The following SLC25A18 variants were observed in gnomAD, a reference collection of about 807,000 sequenced individuals.
SLC25A18 encodes mitochondrial glutamate carrier 2.
A neutral mutation model predicts 31.1 loss-of-function variants in SLC25A18; 24 were observed. That is an observed-to-expected ratio of 0.77 (90% confidence interval 0.56 to 1.08). The LOEUF (loss-of-function observed/expected upper bound fraction) is 1.08. Among genes scored for constraint, SLC25A18 ranks in the 50% least tolerant of loss-of-function variants. SLC25A18 has a pLI of 0.00. For missense variants in SLC25A18, 371 were observed against 418.5 expected (o/e 0.89, Z 0.99); for synonymous variants, 173 against 161.9 (o/e 1.07, Z -0.52).
chr22:17,566,036 A>G (rs2056928768), intron 1 of SLC25A18, among the ~76,000 whole-genome samples: 1 of 152,016 alleles, frequency 6.6e-6, no homozygotes, highest in African/African-American at 2.4e-5. Flanking sequence ...GTCTTCCACC[A>G]TGGCTGCCGT....
rs144597844 is a variant in SLC25A18 at position 17,589,612 on chromosome 22, C to G, written c.753C>G (p.Thr251=). The change falls in exon 10 of 11, where the codon ACC becomes ACG. Residue 251 remains threonine (T), a synonymous_variant. Transcript: ENST00000327451. The part of the protein sequence containing the change: ...PLDVLKTRIQ[T]LKKGLGEDMY... The stretch of plus-strand genomic sequence containing the variant: ...TAGTTCTGAAAACTCGAATCCAAAC[C>G]CTCAAGAAAGGCCTGGGCGAGGACA... 3.7e-6 allele frequency: 6 copies of G among 1,614,074 alleles called. No individual in the cohort carries two copies. Among genetic ancestry groups the G allele is most frequent in the East Asian group, 4.5e-5 (2 of 44,876 alleles).
intron 10 of SLC25A18, 80 bp downstream of exon 10, chr22:17,589,745 C>A (rs907063955): frequency 1.5e-6 from 2 of 1,316,596 alleles, no homozygotes; most frequent in African/African-American, 1.5e-5. Context: ...ATTTAGAGAC[C>A]AACTTGAATT....
chr22:17,580,329 C>T (rs935341752), intron 3 of SLC25A18: 5 of 226,306 alleles, frequency 2.2e-5, no homozygotes, highest in African/African-American at 4.6e-5. Flanking sequence ...GTCTGCCTCC[C>T]GCCTGAAAGA....
intron 1 of SLC25A18, among the ~76,000 whole-genome samples, chr22:17,564,609 C>G (rs1457934863): frequency 1.3e-5 from 2 of 151,994 alleles, no homozygotes; most frequent in African/African-American, 2.4e-5. Context: ...CACCTGTAAT[C>G]CCAGCACTTT....
In SLC25A18 at chr22:17,579,838, C is replaced by A. The variant is rs1483678210; in HGVS notation, c.-107C>A. The A allele has an allele frequency of 2.6e-6, 4 of 1,514,852 alleles. No homozygotes were observed. The highest frequency in any genetic ancestry group is 2.6e-5 in the South Asian group (2 of 78,276). 93.8% of individuals were successfully genotyped at this position (1,514,852 alleles called of 1,614,324 possible). A position where few individuals can be genotyped will look rare whatever the true frequency, so the allele number is the denominator to read the frequency against. On this transcript the variant is annotated 5_prime_UTR_variant, in exon 3 of 11. Transcript: ENST00000327451. ...AACCCGTGCTCTGTCCACACTGCTA[C>A]GGGGCCAGAGCCAAGGAAGCTTCCA...
At chr22:17,587,805 T>A in intron 8 of SLC25A18, 120 bp from the exon 9 acceptor site, 1 of 1,230,160 alleles carries the variant, frequency 8.1e-7, no homozygotes, top group East Asian at 2.3e-5. Flanking sequence ...AAAGAAGGGA[T>A]GAGTCCCCGT....
intron 8 of SLC25A18, among the ~76,000 whole-genome samples, chr22:17,587,532 A>G (rs1017487178): frequency 2.0e-5 from 3 of 152,192 alleles, no homozygotes; most frequent in African/African-American, 7.2e-5. Flanking sequence ...GCCCACAGGA[A>G]GGCTGGGTGT....
At position 17,581,096 on chromosome 22, in the gene SLC25A18, TC is replaced by T; in HGVS notation, c.84del (p.Ile29SerfsTer20). On this transcript the variant is annotated frameshift_variant, in exon 4 of 11. Transcript: ENST00000327451. LOFTEE classifies it high-confidence loss of function. ...GGGCTCGTGGGGGTGACCTGCGTGT[TC>T]CCCATCGACTTGGCCAAGACTCGCC... ...VAGLVGVTCV[F>X]PIDLAKTRLQ... The T allele has an allele frequency of 6.4e-7, 1 of 1,574,718 alleles. No individual in the cohort carries two copies. Among genetic ancestry groups the T allele is most frequent in the Non-Finnish European group, 8.6e-7 (1 of 1,159,234 alleles).
At chr22:17,567,367 G>T (rs1367372140) in intron 1 of SLC25A18, among the ~76,000 whole-genome samples, 1 of 152,080 alleles carries the variant, frequency 6.6e-6, no homozygotes, top group East Asian at 1.9e-4. Flanking sequence ...CTATTTTCAA[G>T]TCCACTCTAC....
intron 5 of SLC25A18, 74 bp from the exon 6 acceptor site, chr22:17,582,489 G>A (rs1303531455): frequency 3.0e-6 from 4 of 1,317,550 alleles, no homozygotes; most frequent in African/African-American, 1.5e-5. Flanking sequence ...GGCCTGGCTA[G>A]GGCTGAAGGG....
In SLC25A18 at chr22:17,587,154, C is replaced by T. The variant is rs780090090; in HGVS notation, c.428C>T (p.Ser143Leu). 52 of 1,613,874 alleles carry T rather than the reference C, an allele frequency of 3.2e-5. No homozygotes were observed. The highest frequency in any genetic ancestry group is 2.9e-4 in the East Asian group (13 of 44,890). ...CTTCCAGCCGTCCATCATCAGGGCT[C>T]GGCCTCAGCACCCTCCACCTCCAGG... The part of the protein sequence containing the change: ...AGRLAVHHQG[S>L]ASAPSTSRSY... The change falls in exon 8 of 11, where the codon TCG (serine) becomes TTG (leucine). Residue 143 changes from serine to leucine, a missense_variant. Coordinates refer to ENST00000327451, the MANE Select transcript of SLC25A18 (RefSeq NM_031481.3).
chr22:17,590,221 A>C lies in SLC25A18; in HGVS notation c.933A>C (p.Leu311Phe), dbSNP rs751322090. The part of the protein sequence containing the change: ...VYFIGIGERI[L>F]KCFD Reference sequence around the variant, plus strand: ...TTATTGGGATTGGAGAGCGCATCTTAAAGTGTTTTGACTAGACAGAGCTGG... The same window carrying C: ...TTATTGGGATTGGAGAGCGCATCTTCAAGTGTTTTGACTAGACAGAGCTGG... The change falls in exon 11 of 11, where the codon TTA becomes TTC. Residue 311 changes from leucine to phenylalanine, a missense_variant. Transcript: ENST00000327451. 1.2e-6 allele frequency: 2 copies of C among 1,614,166 alleles called. No homozygotes were observed. The highest frequency in any genetic ancestry group is 1.1e-5 in the South Asian group (1 of 91,064).
intron 7 of SLC25A18, chr22:17,584,144 A>G: frequency 1.1e-6 from 1 of 942,604 alleles, no homozygotes; most frequent in Non-Finnish European, 1.3e-6. Context: ...CTGTAATCCC[A>G]GCACTTTGGG....
intron 2 of SLC25A18, among the ~76,000 whole-genome samples, chr22:17,574,813 G>A (rs2057188969): frequency 1.0e-5 from 1 of 100,222 alleles, no homozygotes; most frequent in South Asian, 2.7e-4. Context: ...GAGCCACTGT[G>A]CCTGGCCAAT....
rs768838417 is a variant in SLC25A18, at chr22:17,587,296, C to T, written c.570C>T (p.Leu190=). Residue 190 remains leucine (L), a synonymous_variant, in exon 8 of 11, where the codon CTC becomes CTT. Coordinates refer to ENST00000327451, the MANE Select transcript of SLC25A18 (RefSeq NM_031481.3). ...TCTACAGGGGCCTGGGTGCCACTCT[C>T]CTCAGGTGAGCCTTTCTTCCGGTTC... ...AGLYRGLGAT[L]LRDIPFSIIY... is the part of the protein sequence containing the mutation. 2.5e-6 allele frequency: 4 copies of T among 1,611,080 alleles called. No individual in the cohort carries two copies. Among genetic ancestry groups the T allele is most frequent in the Non-Finnish European group, 3.4e-6 (4 of 1,179,264 alleles).
intron 2 of SLC25A18, among the ~76,000 whole-genome samples, chr22:17,577,874 A>G (rs960406457): frequency 6.6e-6 from 1 of 150,884 alleles, no homozygotes; most frequent in Admixed American, 6.6e-5. Flanking sequence ...ACGGGGTTTC[A>G]CCATGTTGCC....
Position 17,583,554 on chromosome 22 carries a change from C to G in SLC25A18, c.409+20C>G. On this transcript the variant is annotated intron_variant, in intron 7 of 10. Coordinates refer to ENST00000327451, the MANE Select transcript of SLC25A18 (RefSeq NM_031481.3). ...GCCTGGGTGAGGCCTGTCCCCACCT[C>G]CTATGGGAACAGTAAAGGGCTGGGA... 3.1e-6 allele frequency: 5 copies of G among 1,611,334 alleles called. No individual in the cohort carries two copies. The Middle Eastern group carries it at 8.3e-4, about 266-fold the overall frequency.
chr22:17,585,650 ATT>A (rs143835144), intron 7 of SLC25A18, among the ~76,000 whole-genome samples: 2 of 137,220 alleles, frequency 1.5e-5, no homozygotes, highest in African/African-American at 5.6e-5. Context: ...TATTATTATT[ATT>A]TTTTTTTTTT....
chr22:17,567,510 A>T (rs1178349758), intron 1 of SLC25A18, among the ~76,000 whole-genome samples: 3 of 151,212 alleles, frequency 2.0e-5, no homozygotes, highest in Non-Finnish European at 4.4e-5. Flanking sequence ...CGTGCATCTG[A>T]CTTCAAAGTA....
Sources: gnomAD v4.1 joint callset for allele counts (sites outside exome capture counted in the v4.1 genomes callset) on GRCh38, gnomAD v4.1.1 for gene constraint, MANE v1.5 for transcripts, NCBI Gene and HGNC (gene_info 2026-07-23, HGNC 2026-07-21) for gene names.